SPATA31H1: variants seen among roughly 807,000 people sequenced by gnomAD.
The protein encoded by SPATA31H1 is SPATA31 subfamily H member 1, also known as spermatogenesis-associated protein 31H1.
the SPATA31H1 span, among the ~76,000 whole-genome samples, chr2:27,556,661 A>C: frequency 2.1e-5 from 3 of 141,948 alleles, no homozygotes; most frequent in East Asian, 6.0e-4. Flanking sequence ...CCATCTCGTC[A>C]TCTAATTTCT....
the SPATA31H1 span, chr2:27,580,421 C>T: frequency 6.2e-7 from 1 of 1,614,054 alleles, no homozygotes. Flanking sequence ...CCAAAAAGAC[C>T]TCTGATTCAA....
chr2:27,572,268 G>C, the SPATA31H1 span: 2 of 398,508 alleles, frequency 5.0e-6, no homozygotes, highest in East Asian at 7.1e-5. Context: ...CTCGACTGTA[G>C]AGCCACAGAT....
the SPATA31H1 span, chr2:27,576,725 G>A: frequency 2.4e-5 from 39 of 1,613,898 alleles, no homozygotes; most frequent in Non-Finnish European, 3.1e-5. Flanking sequence ...TTTCAAATTT[G>A]TCTCCAGAAT....
At chr2:27,575,982 C>T in the SPATA31H1 span, 1 of 398,754 alleles carries the variant, frequency 2.5e-6, no homozygotes, top group African/African-American at 2.1e-5. The surrounding 1 kb of genome is among the most constrained non-coding windows in gnomAD (Gnocchi z 4.1). Context: ...CAACCCTATA[C>T]CACATTTGCA....
the SPATA31H1 span, among the ~76,000 whole-genome samples, chr2:27,560,800 A>G: frequency 8.6e-3 from 1,309 of 152,256 alleles, 15 homozygotes; most frequent in Middle Eastern, 0.014. Context: ...TGGCACCATC[A>G]ATCAGTCCAG....
At chr2:27,546,459 T>G in the SPATA31H1 span, among the ~76,000 whole-genome samples, 2 of 151,940 alleles carry the variant, frequency 1.3e-5, no homozygotes, top group African/African-American at 2.4e-5. Context: ...TAAAAATGAG[T>G]GAGGTACTCA....
the SPATA31H1 span, among the ~76,000 whole-genome samples, chr2:27,547,023 C>A: frequency 2.6e-5 from 4 of 151,924 alleles, no homozygotes; most frequent in Non-Finnish European, 5.9e-5. Flanking sequence ...GTGACCTTGT[C>A]ATAAATCAGG....
chr2:27,539,300 T>G, the SPATA31H1 span, among the ~76,000 whole-genome samples: 2 of 149,124 alleles, frequency 1.3e-5, no homozygotes, highest in South Asian at 4.2e-4. Flanking sequence ...TACTTAAGAT[T>G]AGGGAGTGGT....
the SPATA31H1 span, among the ~76,000 whole-genome samples, chr2:27,541,264 G>C: frequency 6.6e-6 from 1 of 151,842 alleles, no homozygotes; most frequent in Non-Finnish European, 1.5e-5. Context: ...GCGTGGCGGC[G>C]AGCGCCTGCA....
the SPATA31H1 span, among the ~76,000 whole-genome samples, chr2:27,542,652 T>G: frequency 1.3e-5 from 2 of 148,692 alleles, no homozygotes; most frequent in Non-Finnish European, 3.0e-5. Context: ...GTCCTTTCCA[T>G]TTTTTTCTCA....
the SPATA31H1 span, among the ~76,000 whole-genome samples, chr2:27,542,627 T>C: frequency 1.3e-5 from 2 of 151,954 alleles, no homozygotes; most frequent in African/African-American, 4.8e-5. Context: ...GCTATAGTTA[T>C]ATGGGGGTCA....
the SPATA31H1 span, among the ~76,000 whole-genome samples, chr2:27,555,231 G>C: frequency 6.6e-6 from 1 of 151,808 alleles, no homozygotes; most frequent in Non-Finnish European, 1.5e-5. Flanking sequence ...TGCGTTCTTG[G>C]AATAAATCCT....
chr2:27,541,458 T>C, the SPATA31H1 span, among the ~76,000 whole-genome samples: 1 of 151,902 alleles, frequency 6.6e-6, no homozygotes, highest in Non-Finnish European at 1.5e-5. Context: ...AACTCATCAT[T>C]TTCTATGAGG....
chr2:27,537,546 G>A, the SPATA31H1 span: 11 of 717,402 alleles, frequency 1.5e-5, no homozygotes, highest in South Asian at 3.0e-5. Context: ...GCTGGAAGCA[G>A]GTGGCAGCCA....
At chr2:27,579,429 C>T in the SPATA31H1 span, 2 of 1,614,198 alleles carry the variant, frequency 1.2e-6, no homozygotes, top group Non-Finnish European at 8.5e-7. Context: ...TATTTCTCAG[C>T]CTTCTGTGGT....
chr2:27,580,771 G>T, the SPATA31H1 span: 1 of 1,614,158 alleles, frequency 6.2e-7, no homozygotes, highest in African/African-American at 1.3e-5. Context: ...AGGGACTATT[G>T]CTTACCAAGC....
chr2:27,573,223 A>G, the SPATA31H1 span: 1 of 398,302 alleles, frequency 2.5e-6, no homozygotes, highest in Non-Finnish European at 4.4e-6. Flanking sequence ...AAAACTCCTA[A>G]GATGTCCCGA....
At chr2:27,546,409 A>C in the SPATA31H1 span, among the ~76,000 whole-genome samples, 1 of 151,936 alleles carries the variant, frequency 6.6e-6, no homozygotes, top group Non-Finnish European at 1.5e-5. Flanking sequence ...CCTCCTCCCC[A>C]TATAGATATC....
the SPATA31H1 span, among the ~76,000 whole-genome samples, chr2:27,559,444 A>C: frequency 6.6e-6 from 1 of 152,136 alleles, no homozygotes; most frequent in South Asian, 2.1e-4. Flanking sequence ...CTTTTTCTCT[A>C]GGATCTTGGC....
Sources: gnomAD v4.1 joint callset for allele counts (sites outside exome capture counted in the v4.1 genomes callset) on GRCh38, gnomAD v4.1.1 for gene constraint, Gnocchi (gnomAD v3.1) non-coding constraint, MANE v1.5 for transcripts, NCBI Gene and HGNC (gene_info 2026-07-23, HGNC 2026-07-21) for gene names.